Variants in ZNF451 observed in about 807,000 individuals in gnomAD.
ZNF451 encodes the protein zinc finger protein 451, also known as E3 SUMO-protein ligase ZNF451.
A neutral mutation model predicts 107.1 loss-of-function variants in ZNF451; 80 were observed. The ratio of observed to expected loss-of-function variants is 0.75; its 90% CI spans 0.62 to 0.90. The LOEUF is 0.90. ZNF451 is among the 40% of genes least tolerant of loss of function. ZNF451 has a pLI of 0.00. For missense variants in ZNF451, 1,107 were observed against 1,236.2 expected (o/e 0.90, Z 1.57); for synonymous variants, 362 against 406.5 (o/e 0.89, Z 1.32).
In ZNF451 at chr6:57,148,542, T is replaced by C. The variant is rs1403840871; in HGVS notation, c.2457T>C (p.Ser819=). The C allele has an allele frequency of 6.2e-7, 1 of 1,614,046 alleles. No homozygotes were observed. The highest frequency in any genetic ancestry group is 1.3e-5 in the African/African-American group (1 of 74,938). Residue 819 remains serine, a synonymous_variant, in exon 10 of 15, where the codon AGT becomes AGC. Coordinates refer to ENST00000370706, the MANE Select transcript of ZNF451 (RefSeq NM_001031623.3). The stretch of plus-strand genomic sequence containing the variant: ...AACATTGCTTCTTACAGAAACCCAG[T>C]GTGGCTCATTTTGGATCTGAAAAAT... ...HRKHCFLQKP[S]VAHFGSEKSN... is the part of the protein sequence containing the mutation.
chr6:57,138,689 T>C (rs1317476146), intron 7 of ZNF451, among the ~76,000 whole-genome samples: 1 of 137,930 alleles, frequency 7.3e-6, no homozygotes, highest in African/African-American at 2.7e-5. Flanking sequence ...TTGTAGAATG[T>C]ATTTGCAGCT....
chr6:57,104,624 G>T, intron 3 of ZNF451: 1 of 984,960 alleles, frequency 1.0e-6, no homozygotes, highest in Non-Finnish European at 1.2e-6. Flanking sequence ...AAAAAAAAAG[G>T]CACATAAAGC....
In ZNF451 at chr6:57,128,806, A is replaced by G; in HGVS notation, c.390A>G (p.Ala130=). Residue 130 remains alanine, a synonymous_variant, in exon 5 of 15, where the codon GCA becomes GCG. Coordinates refer to ENST00000370706, the MANE Select transcript of ZNF451 (RefSeq NM_001031623.3). ...GAGGACATTCTGATACAGAAGCAGCAAGACTGTGTGTGGACCAGTGGCTAA... is the reference window on the plus strand; with the variant it reads ...GAGGACATTCTGATACAGAAGCAGCGAGACTGTGTGTGGACCAGTGGCTAA... ...FIRGHSDTEA[A]RLCVDQWLKM... 4 of 1,613,108 alleles carry G rather than the reference A, an allele frequency of 2.5e-6. No individual in the cohort carries two copies. The highest frequency in any genetic ancestry group is 3.4e-6 in the Non-Finnish European group (4 of 1,179,426).
chr6:57,111,228 C>T (rs1429038648), intron 3 of ZNF451, among the ~76,000 whole-genome samples: 2 of 151,404 alleles, frequency 1.3e-5, no homozygotes, highest in Non-Finnish European at 2.9e-5. Context: ...GCCCCATTCC[C>T]ACTTTTACTT....
At chr6:57,124,106 A>T (rs1352388510) in intron 3 of ZNF451, among the ~76,000 whole-genome samples, 1 of 152,180 alleles carries the variant, frequency 6.6e-6, no homozygotes, top group East Asian at 1.9e-4. Context: ...TCTGTTTCTC[A>T]TCATTAAATG....
intron 9 of ZNF451, among the ~76,000 whole-genome samples, chr6:57,145,071 G>T (rs572085541): frequency 6.6e-6 from 1 of 152,094 alleles, no homozygotes; most frequent in East Asian, 1.9e-4. Flanking sequence ...AACATATTTT[G>T]TACAGTTTTT....
intron 7 of ZNF451, among the ~76,000 whole-genome samples, chr6:57,135,573 A>G (rs1237657498): frequency 1.3e-5 from 2 of 152,092 alleles, no homozygotes; most frequent in East Asian, 1.9e-4. Context: ...ATGTTTTTAC[A>G]TAAGATAAGA....
intron 5 of ZNF451, among the ~76,000 whole-genome samples, chr6:57,131,610 G>A (rs1831181164): frequency 6.6e-6 from 1 of 152,134 alleles, no homozygotes; most frequent in Admixed American, 6.6e-5. Flanking sequence ...TTGACAGTTT[G>A]ATAGAGGTAT....
At chr6:57,124,245 A>T (rs905823483) in intron 3 of ZNF451, among the ~76,000 whole-genome samples, 50 of 152,208 alleles carry the variant, frequency 3.3e-4, no homozygotes, top group Non-Finnish European at 6.2e-4. Context: ...TTCTGCATCT[A>T]TTAATATAGG....
chr6:57,154,892 A>AT (rs200783304), intron 13 of ZNF451, among the ~76,000 whole-genome samples: 20 of 149,814 alleles, frequency 1.3e-4, no homozygotes, highest in African/African-American at 2.4e-4. Flanking sequence ...TGCCTCCTAG[A>AT]TTTTTTTTTT....
At chr6:57,119,845 A>G (rs1259288001) in intron 3 of ZNF451, among the ~76,000 whole-genome samples, 2 of 151,038 alleles carry the variant, frequency 1.3e-5, no homozygotes, top group Non-Finnish European at 2.9e-5. Context: ...TAGCAGGAGA[A>G]TTGTCATTAC....
intron 3 of ZNF451, chr6:57,104,149 G>T: frequency 1.0e-6 from 1 of 984,810 alleles, no homozygotes; most frequent in Non-Finnish European, 1.2e-6. Context: ...GTCCATGCCA[G>T]TGTTCTCTAC....
Position 57,166,004 on chromosome 6 carries a change from A to G in ZNF451, c.3140-2419A>G, listed in dbSNP as rs143926853. On this transcript the variant is annotated intron_variant, in intron 14 of 14. Transcript: ENST00000370706. The stretch of plus-strand genomic sequence containing the variant: ...GTTACTGTACTCTACTGTAGATTTT[A>G]TAAACACTGTACGATTAGGCTATAC... Among the ~76,000 whole-genome samples, 3 of 152,090 alleles carry G rather than the reference A, an allele frequency of 2.0e-5. No homozygotes were observed. In the East Asian group the frequency reaches 5.8e-4, roughly 29 times the overall value.
intron 2 of ZNF451, among the ~76,000 whole-genome samples, chr6:57,095,727 G>T (rs758619354): frequency 6.6e-6 from 1 of 151,786 alleles, no homozygotes; most frequent in Non-Finnish European, 1.5e-5. Flanking sequence ...TTTGCATATT[G>T]GTTTAATGGT....
At chr6:57,154,250 T>C in intron 13 of ZNF451, 1 of 611,030 alleles carries the variant, frequency 1.6e-6, no homozygotes, top group Admixed American at 3.0e-5. Context: ...TTCATAATAA[T>C]TTTCTGGAGC....
chr6:57,142,114 C>G lies in ZNF451; in HGVS notation c.1004+19C>G, dbSNP rs1295963401. On this transcript the variant is annotated intron_variant, in intron 9 of 14. Coordinates refer to ENST00000370706, the MANE Select transcript of ZNF451 (RefSeq NM_001031623.3). ...ATTTCAGGTTTGTATTGGTCTGGAG[C>G]TGTAAAGGAATACGGATGAGTGTTT... 6.3e-7 allele frequency: 1 copy of G among 1,588,658 alleles called. No homozygotes were observed. The highest frequency in any genetic ancestry group is 8.6e-7 in the Non-Finnish European group (1 of 1,160,926).
chr6:57,111,666 C>T (rs1830122388), intron 3 of ZNF451, among the ~76,000 whole-genome samples: 1 of 152,180 alleles, frequency 6.6e-6, no homozygotes, highest in Non-Finnish European at 1.5e-5. Context: ...TGGTTGTGAG[C>T]CACCACGCCT....
intron 3 of ZNF451, among the ~76,000 whole-genome samples, chr6:57,120,360 T>C (rs1462787274): frequency 4.6e-5 from 7 of 152,256 alleles, no homozygotes; most frequent in South Asian, 2.1e-4. Context: ...TTGGCACTTA[T>C]GATACAGTTG....
intron 2 of ZNF451, among the ~76,000 whole-genome samples, chr6:57,091,707 C>T (rs1045798411): frequency 4.6e-5 from 7 of 152,158 alleles, no homozygotes; most frequent in African/African-American, 2.4e-5. Context: ...AGGCAGAAAA[C>T]GGTTCTGTCC....
Sources: allele counts gnomAD v4.1 joint callset (sites outside exome capture counted in the v4.1 genomes callset), GRCh38; gene constraint gnomAD v4.1.1; transcripts MANE v1.5; gene names NCBI Gene and HGNC (gene_info 2026-07-23, HGNC 2026-07-21).